The following ERVH48-1 variants were observed in gnomAD, a reference collection of about 807,000 sequenced individuals.
The protein encoded by ERVH48-1 is endogenous retrovirus group 48 member 1, envelope, also known as suppressyn.
In ERVH48-1, 4 loss-of-function variants were observed where a neutral mutation model predicts 2.4. That is an observed-to-expected ratio of 1.68 (90% CI 0.83 to 3.84). The LOEUF (loss-of-function observed/expected upper bound fraction) is 3.84, where lower values mean the gene tolerates loss of function less well. Among genes scored for constraint, ERVH48-1 ranks in the 30% most tolerant of loss-of-function variants. The probability of loss-of-function intolerance (pLI) is 0.01; values close to 1 mark genes in which losing one functional copy is unlikely to be tolerated. For synonymous variants in ERVH48-1, 32 were observed against 15.5 expected, an observed-to-expected ratio of 2.06 and a Z score of -2.49; for missense variants, 97 against 43.4, an observed-to-expected ratio of 2.23 and a Z score of -3.47.
chr21:42,925,428 C>T lies in ERVH48-1; in HGVS notation c.-368G>A. The T allele has an allele frequency of 4.1e-6, 2 of 490,106 alleles. No individual in the cohort carries two copies. The highest frequency in any genetic ancestry group is 7.6e-6 in the Non-Finnish European group (2 of 263,918). The allele number at this position is 490,106 out of a possible 1,614,324, so 30.4% of individuals were successfully genotyped here. A position where few individuals can be genotyped will look rare whatever the true frequency, so the allele number is the denominator to read the frequency against. On this transcript the variant is annotated 5_prime_UTR_variant, in exon 1 of 2. Coordinates refer to ENST00000447535, the MANE Select transcript of ERVH48-1 (RefSeq NM_001308491.2). ...AGCTTCCTTTGTCCGGCTGCTGTGG[C>T]CTGCTTTCCCAGATGGAGGGGTGGT... is the stretch of plus-strand genomic sequence containing the variant.
At chr21:42,922,281 T>C (rs2058808119) in intron 1 of ERVH48-1, among the ~76,000 whole-genome samples, 1 of 151,802 alleles carries the variant, frequency 6.6e-6, no homozygotes, top group Non-Finnish European at 1.5e-5. Flanking sequence ...AAAGGTTGCA[T>C]GTTTTAGGGT....
At position 42,919,080 on chromosome 21, in the gene ERVH48-1, A is replaced by G; in HGVS notation, c.-74T>C. 1 of 1,207,352 alleles carries G rather than the reference A, an allele frequency of 8.3e-7. No homozygotes were observed. Among genetic ancestry groups the G allele is most frequent in the African/African-American group, 1.6e-5 (1 of 63,376 alleles). 74.8% of individuals were successfully genotyped at this position (1,207,352 alleles called of 1,614,324 possible). ...AAATGTTGGTTAATTTAAACTTGGTAGGAGAAATTGGCCCAGACAAACACT... is the reference window on the plus strand; with the variant it reads ...AAATGTTGGTTAATTTAAACTTGGTGGGAGAAATTGGCCCAGACAAACACT... On this transcript the variant is annotated 5_prime_UTR_variant, in exon 2 of 2. Transcript: ENST00000447535.
intron 1 of ERVH48-1, among the ~76,000 whole-genome samples, chr21:42,919,678 C>T (rs961733655): frequency 4.6e-5 from 7 of 152,074 alleles, no homozygotes; most frequent in Non-Finnish European, 8.8e-5. Context: ...GATGTAGAGG[C>T]GCCTTGGGTG....
intron 1 of ERVH48-1, among the ~76,000 whole-genome samples, chr21:42,922,764 A>T (rs1218700222): frequency 7.0e-6 from 1 of 142,250 alleles, no homozygotes; most frequent in Non-Finnish European, 1.5e-5. Flanking sequence ...AAAAAAAAAA[A>T]AGTGAGTGAA....
In ERVH48-1 at chr21:42,917,603, C is replaced by A. The variant is rs1431948811; in HGVS notation, c.*921G>T. ...CTGCTAATAAGTAGTCTAGGGCCAG[C>A]CTGTTTTGATAAATTGCCGCGCGCA... On this transcript the variant is annotated 3_prime_UTR_variant, in exon 2 of 2. Coordinates refer to ENST00000447535, the MANE Select transcript of ERVH48-1 (RefSeq NM_001308491.2). 6.6e-6 allele frequency: 1 copy of A among 152,178 alleles called. No individual in the cohort carries two copies. The highest frequency in any genetic ancestry group is 1.5e-5 in the Non-Finnish European group (1 of 68,040). The allele number at this position is 152,178 out of a possible 1,614,324, so 9.4% of individuals were successfully genotyped here.
intron 1 of ERVH48-1, among the ~76,000 whole-genome samples, chr21:42,920,600 T>A (rs758468212): frequency 3.1e-4 from 47 of 151,958 alleles, no homozygotes; most frequent in Non-Finnish European, 1.2e-4. Context: ...GGACGATGAG[T>A]TCAGCCTTTT....
Position 42,917,212 on chromosome 21 carries a change from AAAACTT to A in ERVH48-1, c.*1306_*1311del, listed in dbSNP as rs1269448388. 2.0e-5 allele frequency: 3 copies of A among 152,204 alleles called. No homozygotes were observed. Among genetic ancestry groups the A allele is most frequent in the Admixed American group, 2.0e-4 (3 of 15,268 alleles). The allele number at this position is 152,204 out of a possible 1,614,324, so 9.4% of individuals were successfully genotyped here. A position where few individuals can be genotyped will look rare whatever the true frequency, so the allele number is the denominator to read the frequency against. ...GTGGCGTGGGCACCTTGGAAAAAGA[AAAACTT>A]AATTTTTGGGGTATTCTTGAGAGAC... On this transcript the variant is annotated 3_prime_UTR_variant, in exon 2 of 2. Transcript: ENST00000447535.
At chr21:42,920,210 C>A (rs923385274) in intron 1 of ERVH48-1, among the ~76,000 whole-genome samples, 1 of 152,106 alleles carries the variant, frequency 6.6e-6, no homozygotes, top group African/African-American at 2.4e-5. Context: ...CTTGACATAC[C>A]GTGGTCCTTG....
rs1601235545 is a variant in ERVH48-1, at chr21:42,923,758, G to A, written c.-286+1588C>T. Among the ~76,000 whole-genome samples, 5 of 152,284 alleles carry A rather than the reference G, an allele frequency of 3.3e-5. No individual in the cohort carries two copies. In the South Asian group the frequency reaches 8.3e-4, roughly 25 times the overall value. ...CTGGGCGGCAGCTTGGTGATGAATT[G>A]TATCAGCATGTGCCTGAGCTAGGGT... On this transcript the variant is annotated intron_variant, in intron 1 of 1. Transcript: ENST00000447535.
chr21:42,921,519 T>G (rs2058805621), intron 1 of ERVH48-1, among the ~76,000 whole-genome samples: 2 of 151,932 alleles, frequency 1.3e-5, no homozygotes, highest in Admixed American at 6.6e-5. Context: ...GGGTGCATGT[T>G]TGCGCTTTTT....
intron 1 of ERVH48-1, among the ~76,000 whole-genome samples, chr21:42,922,806 G>A (rs181158778): frequency 1.1e-3 from 161 of 151,850 alleles, no homozygotes; most frequent in Non-Finnish European, 1.9e-3. Flanking sequence ...GAAGGGTGGA[G>A]GGGGGCTCGG....
intron 1 of ERVH48-1, among the ~76,000 whole-genome samples, chr21:42,924,124 G>A (rs886725063): frequency 4.4e-4 from 67 of 152,310 alleles, no homozygotes; most frequent in African/African-American, 1.6e-3. Flanking sequence ...GGGTTTGAAG[G>A]GGGAAGGAGG....
In ERVH48-1 at chr21:42,919,061, T is replaced by C; in HGVS notation, c.-55A>G. The C allele has an allele frequency of 1.6e-6, 2 of 1,215,382 alleles. No individual in the cohort carries two copies. The highest frequency in any genetic ancestry group is 1.5e-5 in the South Asian group (1 of 68,780). The allele number at this position is 1,215,382 out of a possible 1,614,324, so 75.3% of individuals were successfully genotyped here. A position where few individuals can be genotyped will look rare whatever the true frequency, so the allele number is the denominator to read the frequency against. ...TGTTTTGGTTTTAAGAAAAAAATGT[T>C]GGTTAATTTAAACTTGGTAGGAGAA... On this transcript the variant is annotated 5_prime_UTR_variant, in exon 2 of 2. Transcript: ENST00000447535.
chr21:42,921,588 T>C (rs943558464), intron 1 of ERVH48-1, among the ~76,000 whole-genome samples: 2 of 152,054 alleles, frequency 1.3e-5, no homozygotes, highest in Admixed American at 6.6e-5. Context: ...AGTATGGGCA[T>C]TGCAGTCTTT....
At position 42,918,246 on chromosome 21, in the gene ERVH48-1, C is replaced by T. The variant is rs190784071; in HGVS notation, c.*278G>A. 2.3e-4 allele frequency: 70 copies of T among 300,866 alleles called. No homozygotes were observed. Among genetic ancestry groups the T allele is most frequent in the African/African-American group, 1.3e-3 (59 of 45,772 alleles). 18.6% of individuals were successfully genotyped at this position (300,866 alleles called of 1,614,324 possible). On this transcript the variant is annotated 3_prime_UTR_variant, in exon 2 of 2. Coordinates refer to ENST00000447535, the MANE Select transcript of ERVH48-1 (RefSeq NM_001308491.2). ...TTTGGTGACGGGTTTTCACCTACGG[C>T]GCGATGGGTTTTATCAGTCCACTTG... is the stretch of plus-strand genomic sequence containing the variant.
intron 1 of ERVH48-1, among the ~76,000 whole-genome samples, chr21:42,920,690 T>A (rs1003684285): frequency 5.9e-5 from 9 of 152,140 alleles, no homozygotes; most frequent in African/African-American, 2.2e-4. Context: ...CATGTTGGCA[T>A]CCTTGATGTA....
chr21:42,925,480 C>A lies in ERVH48-1; in HGVS notation c.-420G>T, dbSNP rs73905786. 1.2e-3 allele frequency: 429 copies of A among 372,082 alleles called. 1 individual carries two copies. Among genetic ancestry groups the A allele is most frequent in the African/African-American group, 7.4e-3 (341 of 45,942 alleles). 23.0% of individuals were successfully genotyped at this position (372,082 alleles called of 1,614,324 possible). A position where few individuals can be genotyped will look rare whatever the true frequency, so the allele number is the denominator to read the frequency against. On this transcript the variant is annotated 5_prime_UTR_variant, in exon 1 of 2. Transcript: ENST00000447535. The stretch of plus-strand genomic sequence containing the variant: ...GGTCCACTGGGGACGTGGACGGAAG[C>A]CCCTCGCAGGTTTCAGGGCCAGCCC...
Position 42,918,979 on chromosome 21 carries a change from A to C in ERVH48-1, c.28T>G (p.Tyr10Asp). 1.0e-6 allele frequency: 1 copy of C among 987,990 alleles called. No individual in the cohort carries two copies. Among genetic ancestry groups the C allele is most frequent in the Non-Finnish European group, 1.4e-6 (1 of 714,116 alleles). The allele number at this position is 987,990 out of a possible 1,614,324, so 61.2% of individuals were successfully genotyped here. A position where few individuals can be genotyped will look rare whatever the true frequency, so the allele number is the denominator to read the frequency against. ...AGACTTTTGGTTGGAAGAGAGGTAT[A>C]GAAAGTGGTTGGGTAGATACAGGCC... MACIYPTTF[Y>D]TSLPTKSLNM... is the part of the protein sequence containing the mutation. The change falls in exon 2 of 2, where the codon TAT becomes GAT. Residue 10 changes from tyrosine (Y) to aspartate (D), a missense_variant. By Grantham distance (160) the Tyr-to-Asp change is radical (BLOSUM62 -3). Transcript: ENST00000447535.
chr21:42,916,974 CA>C lies in ERVH48-1; in HGVS notation c.*1549del, dbSNP rs750149444. On this transcript the variant is annotated 3_prime_UTR_variant, in exon 2 of 2. Coordinates refer to ENST00000447535, the MANE Select transcript of ERVH48-1 (RefSeq NM_001308491.2). The stretch of plus-strand genomic sequence containing the variant: ...CCAGGGCGACCTCCCTCTTGATCTT[CA>C]GGGGGTACGTGTCTTCCAGCCAGCT... 3 of 152,472 alleles carry C rather than the reference CA, an allele frequency of 2.0e-5. No individual in the cohort carries two copies. Among genetic ancestry groups the C allele is most frequent in the Non-Finnish European group, 2.9e-5 (2 of 68,286 alleles). The allele number at this position is 152,472 out of a possible 1,614,324, so 9.4% of individuals were successfully genotyped here. A position where few individuals can be genotyped will look rare whatever the true frequency, so the allele number is the denominator to read the frequency against.
Sources: gnomAD v4.1 joint callset for allele counts (sites outside exome capture counted in the v4.1 genomes callset) on GRCh38, gnomAD v4.1.1 for gene constraint, MANE v1.5 for transcripts, NCBI Gene and HGNC (gene_info 2026-07-23, HGNC 2026-07-21) for gene names.